SUGCT: variants seen among roughly 807,000 people sequenced by gnomAD.
SUGCT encodes succinyl-CoA:glutarate CoA-transferase.
A neutral mutation model predicts 55.0 loss-of-function variants in SUGCT; 41 were observed. The ratio of observed to expected loss-of-function variants is 0.74; its 90% CI spans 0.58 to 0.97. SUGCT has a LOEUF of 0.97. Among genes scored for constraint, SUGCT ranks in the 50% least tolerant of loss-of-function variants. The probability of loss-of-function intolerance (pLI) is 0.00; values close to 1 mark genes in which losing one functional copy is unlikely to be tolerated. For missense variants in SUGCT, 568 were observed against 547.8 expected (o/e 1.04, Z -0.37); for synonymous variants, 187 against 200.4 (o/e 0.93, Z 0.56).
chr7:40,624,209 C>G (rs887651853), intron 12 of SUGCT, among the ~76,000 whole-genome samples: 3 of 152,112 alleles, frequency 2.0e-5, no homozygotes, highest in Non-Finnish European at 4.4e-5. Flanking sequence ...CCTCAGGCCT[C>G]CTCCCCCAGT....
chr7:40,470,747 G>GTCTCTCTCTCTCTCTC (rs34012862), intron 11 of SUGCT, among the ~76,000 whole-genome samples: 117 of 146,380 alleles, frequency 8.0e-4, no homozygotes, highest in African/African-American at 2.8e-3. Flanking sequence ...TAAGTGAACA[G>GTCTCTCTCTCTCTCTC]TCTCTCTCTC....
chr7:40,777,162 T>C (rs892343126), intron 13 of SUGCT, among the ~76,000 whole-genome samples: 2 of 152,340 alleles, frequency 1.3e-5, no homozygotes, highest in East Asian at 1.9e-4. Flanking sequence ...TCTTCATAGA[T>C]AGTGGTTGTT....
At chr7:40,799,130 CCCCAAAAGGGCACCAGAGCTA>C (rs1484975045) in intron 13 of SUGCT, among the ~76,000 whole-genome samples, 5 of 152,124 alleles carry the variant, frequency 3.3e-5, no homozygotes, top group African/African-American at 1.2e-4. Context: ...ATCAAGAATG[CCCCAAAAGGGCACCAGAGCTA>C]CCTCTTCCAT....
intron 12 of SUGCT, among the ~76,000 whole-genome samples, chr7:40,526,409 G>A (rs766679550): frequency 1.5e-4 from 23 of 152,096 alleles, no homozygotes; most frequent in South Asian, 6.2e-4. Flanking sequence ...GTTACTGATC[G>A]TGCTGTGACA....
chr7:40,522,316 A>G (rs1793576161), intron 12 of SUGCT, among the ~76,000 whole-genome samples: 1 of 152,068 alleles, frequency 6.6e-6, no homozygotes, highest in Non-Finnish European at 1.5e-5. Flanking sequence ...CTCCTTAGAG[A>G]GGTCTGAGTT....
intron 12 of SUGCT, among the ~76,000 whole-genome samples, chr7:40,580,037 T>G (rs910134084): frequency 2.0e-5 from 3 of 152,196 alleles, no homozygotes; most frequent in African/African-American, 7.2e-5. Context: ...GAAAGAAACC[T>G]TAACTTTTGC....
chr7:40,884,107 C>T, the SUGCT span, among the ~76,000 whole-genome samples: 1 of 152,302 alleles, frequency 6.6e-6, no homozygotes, highest in Non-Finnish European at 1.5e-5. Context: ...TTATGTTCCA[C>T]TTTCCTGACA....
At chr7:40,953,466 T>C in the SUGCT span, among the ~76,000 whole-genome samples, 1 of 152,254 alleles carries the variant, frequency 6.6e-6, no homozygotes, top group Non-Finnish European at 1.5e-5. Context: ...AAAGTCATTC[T>C]CTGTCCAGCT....
At chr7:40,183,806 T>C (rs892012536) in intron 3 of SUGCT, among the ~76,000 whole-genome samples, 1 of 152,208 alleles carries the variant, frequency 6.6e-6, no homozygotes, top group South Asian at 2.1e-4. Context: ...TGTACACATT[T>C]CTCACTTTTG....
chr7:40,333,275 A>G (rs927888240), intron 9 of SUGCT, among the ~76,000 whole-genome samples: 1 of 152,176 alleles, frequency 6.6e-6, no homozygotes, highest in African/African-American at 2.4e-5. Flanking sequence ...AAGAAAATGT[A>G]TAAAATAATG....
Position 40,197,131 on chromosome 7 carries a change from G to A in SUGCT, c.484+2071G>A, listed in dbSNP as rs973590377. Among the ~76,000 whole-genome samples, 8 of 152,134 alleles carry A rather than the reference G, an allele frequency of 5.3e-5. No homozygotes were observed. In the South Asian group the frequency reaches 1.2e-3, roughly 24 times the overall value. ...ATTACACGTGTGAGCCACTGTGCCC[G>A]GCCCTGATGATTAACTTTTGTACTG... On this transcript the variant is annotated intron_variant, in intron 6 of 13. Transcript: ENST00000335693.
intron 12 of SUGCT, among the ~76,000 whole-genome samples, chr7:40,568,858 C>A (rs937923238): frequency 6.6e-6 from 1 of 152,176 alleles, no homozygotes; most frequent in African/African-American, 2.4e-5. Flanking sequence ...AACATTGAAG[C>A]TAAGAGAGCA....
the SUGCT span, among the ~76,000 whole-genome samples, chr7:40,901,774 C>T: frequency 2.6e-5 from 4 of 152,138 alleles, no homozygotes; most frequent in South Asian, 2.1e-4. Flanking sequence ...AATTGAATTA[C>T]GGTCTTAAAA....
the SUGCT span, among the ~76,000 whole-genome samples, chr7:40,889,250 C>T: frequency 6.6e-5 from 10 of 152,030 alleles, no homozygotes; most frequent in African/African-American, 7.3e-5. Context: ...CTGGAAAGTA[C>T]GGGGGATCAG....
intron 11 of SUGCT, among the ~76,000 whole-genome samples, chr7:40,472,033 A>G (rs897653811): frequency 1.3e-5 from 2 of 152,164 alleles, no homozygotes; most frequent in African/African-American, 4.8e-5. Flanking sequence ...TCACATGCTT[A>G]TAAAAATGAA....
intron 7 of SUGCT, among the ~76,000 whole-genome samples, chr7:40,269,313 AT>A (rs1270825372): frequency 1.3e-5 from 2 of 150,348 alleles, no homozygotes; most frequent in African/African-American, 4.9e-5. Context: ...TTAATTTTTT[AT>A]TTTATTTATT....
intron 12 of SUGCT, among the ~76,000 whole-genome samples, chr7:40,564,113 C>T (rs1161186749): frequency 2.6e-5 from 4 of 152,198 alleles, no homozygotes; most frequent in Non-Finnish European, 5.9e-5. Flanking sequence ...ATGGCTCACG[C>T]CTGTAATCCC....
chr7:41,019,772 G>A, the SUGCT span, among the ~76,000 whole-genome samples: 5 of 152,124 alleles, frequency 3.3e-5, no homozygotes, highest in Non-Finnish European at 7.4e-5. Context: ...TAAAATCTCT[G>A]GTCTTGGAAG....
chr7:40,601,707 C>A (rs1798298616), intron 12 of SUGCT, among the ~76,000 whole-genome samples: 2 of 151,806 alleles, frequency 1.3e-5, no homozygotes, highest in South Asian at 4.2e-4. Flanking sequence ...TGGCCCAACA[C>A]AAATTTGTAA....
Sources: allele counts gnomAD v4.1 joint callset (sites outside exome capture counted in the v4.1 genomes callset), GRCh38; gene constraint gnomAD v4.1.1; transcripts MANE v1.5; gene names NCBI Gene and HGNC (gene_info 2026-07-23, HGNC 2026-07-21).